The following TLN2 variants were observed in gnomAD, a reference collection of about 807,000 sequenced individuals.
The protein encoded by TLN2 is talin-2.
A neutral mutation model predicts 294.7 loss-of-function variants in TLN2; 118 were observed. That is an observed-to-expected ratio of 0.40 (90% CI 0.34 to 0.47). The LOEUF (loss-of-function observed/expected upper bound fraction) is 0.47, where lower values mean the gene tolerates loss of function less well. Among genes scored for constraint, TLN2 ranks in the 20% least tolerant of loss-of-function variants. The pLI is 0.84. For missense variants in TLN2, 3,083 were observed against 3,282.2 expected, an observed-to-expected ratio of 0.94 and a Z score of 1.48; for synonymous variants, 1,431 against 1,304.5, an observed-to-expected ratio of 1.10 and a Z score of -2.09.
intron 40 of TLN2, among the ~76,000 whole-genome samples, chr15:62,765,355 T>A (rs1014920490): frequency 6.6e-6 from 1 of 152,110 alleles, no homozygotes; most frequent in African/African-American, 2.4e-5. Context: ...TTTTCAAGTT[T>A]GCATGTTAGT....
At chr15:62,529,094 C>CT (rs752639389) in intron 1 of TLN2, among the ~76,000 whole-genome samples, 55 of 138,798 alleles carry the variant, frequency 4.0e-4, no homozygotes, top group East Asian at 6.0e-4. Context: ...ATTTACAGGG[C>CT]TTTTTTTTTT....
At chr15:62,489,223 C>T in intron 1 of TLN2, among the ~76,000 whole-genome samples, 1 of 152,116 alleles carries the variant, frequency 6.6e-6, no homozygotes, top group Non-Finnish European at 1.5e-5. Context: ...TGAAGGTATA[C>T]ACAGGGGTCC....
At chr15:62,573,935 AGCCGCCTG>A (rs1287542093) in intron 1 of TLN2, among the ~76,000 whole-genome samples, 1 of 152,142 alleles carries the variant, frequency 6.6e-6, no homozygotes, top group African/African-American at 2.4e-5. Context: ...TTGGGAGCTC[AGCCGCCTG>A]ACTCCCTGCA....
chr15:62,724,700 T>C (rs1263891705), intron 26 of TLN2, among the ~76,000 whole-genome samples: 3 of 152,194 alleles, frequency 2.0e-5, no homozygotes, highest in Non-Finnish European at 4.4e-5. Flanking sequence ...CCACTGAGTC[T>C]AAGAGGCAAG....
intron 3 of TLN2, among the ~76,000 whole-genome samples, chr15:62,627,604 T>A (rs2049395677): frequency 6.6e-6 from 1 of 152,226 alleles, no homozygotes. Flanking sequence ...TGAGACACAT[T>A]ATTTTAAAAG....
intron 1 of TLN2, among the ~76,000 whole-genome samples, chr15:62,505,425 C>T (rs369491745): frequency 1.8e-4 from 27 of 152,148 alleles, no homozygotes; most frequent in African/African-American, 5.8e-4. Context: ...TTAAAATGTG[C>T]TAGGAAATCC....
chr15:62,491,531 G>T (rs140668809), intron 1 of TLN2, among the ~76,000 whole-genome samples: 1 of 152,072 alleles, frequency 6.6e-6, no homozygotes, highest in Non-Finnish European at 1.5e-5. Flanking sequence ...TCCAAAGTGG[G>T]CAATCAGATA....
At chr15:62,821,565 A>G (rs931732324) in intron 54 of TLN2, among the ~76,000 whole-genome samples, 54 of 152,264 alleles carry the variant, frequency 3.5e-4, no homozygotes, top group African/African-American at 1.2e-3. Flanking sequence ...AGTGTATGAA[A>G]TAAACACAGA....
intron 1 of TLN2, among the ~76,000 whole-genome samples, chr15:62,505,981 A>G (rs370743391): frequency 5.3e-5 from 8 of 152,110 alleles, no homozygotes; most frequent in South Asian, 2.1e-4. Flanking sequence ...CCTTTATTCT[A>G]TTTATGGAAC....
intron 1 of TLN2, among the ~76,000 whole-genome samples, chr15:62,417,263 C>T (rs1005070859): frequency 1.3e-5 from 2 of 152,270 alleles, no homozygotes; most frequent in South Asian, 2.1e-4. Context: ...CCCTCTCCAG[C>T]GTGCTTCCTT....
chr15:62,577,914 A>G (rs942768753), intron 1 of TLN2, among the ~76,000 whole-genome samples: 5 of 151,646 alleles, frequency 3.3e-5, no homozygotes, highest in African/African-American at 1.2e-4. Flanking sequence ...TCATTGTTCA[A>G]CTCCCACCTA....
At chr15:62,682,510 C>T (rs555801302) in intron 11 of TLN2, among the ~76,000 whole-genome samples, 2 of 152,116 alleles carry the variant, frequency 1.3e-5, no homozygotes, top group Admixed American at 6.5e-5. Context: ...GTTTGGATCC[C>T]GGCTTTGCCA....
chr15:62,409,043 T>C (rs370463589), intron 1 of TLN2, among the ~76,000 whole-genome samples: 28 of 152,146 alleles, frequency 1.8e-4, no homozygotes, highest in African/African-American at 6.3e-4. Flanking sequence ...AGTGGTGTGA[T>C]CTCTGCTCAC....
chr15:62,562,868 C>T (rs1024415527), intron 1 of TLN2, among the ~76,000 whole-genome samples: 31 of 147,822 alleles, frequency 2.1e-4, no homozygotes, highest in Admixed American at 2.7e-4. Flanking sequence ...CTGCAAATGC[C>T]ATTCATTCAT....
chr15:62,719,304 G>A (rs1595777044), intron 24 of TLN2, among the ~76,000 whole-genome samples: 1 of 152,264 alleles, frequency 6.6e-6, no homozygotes, highest in Non-Finnish European at 1.5e-5. Context: ...CAACACAAAG[G>A]CGCAGAATGT....
chr15:62,426,408 CA>C lies in TLN2; in HGVS notation c.-238+35724del, dbSNP rs951597578. Among the ~76,000 whole-genome samples the C allele has an allele frequency of 2.0e-5, 3 of 152,222 alleles. No homozygotes were observed. The East Asian group carries it at 5.8e-4, about 29-fold the overall frequency. On this transcript the variant is annotated intron_variant, in intron 1 of 58. Coordinates refer to ENST00000636159, the MANE Select transcript of TLN2 (RefSeq NM_015059.3). ...GGGGCTGCGCCTCTAGTCTAGGAGC[CA>C]GGTCTGTACCTCAGTGCCTTGGTTC... is the stretch of plus-strand genomic sequence containing the variant.
At chr15:62,831,043 A>T (rs1394647464) in intron 54 of TLN2, 1 of 7,606 alleles carries the variant, frequency 1.3e-4, no homozygotes, top group African/African-American at 1.4e-4. Flanking sequence ...GCTTGTGTTT[A>T]AAAAAAAAAA....
chr15:62,720,343 G>A (rs1027315376), intron 25 of TLN2, among the ~76,000 whole-genome samples: 2 of 152,148 alleles, frequency 1.3e-5, no homozygotes, highest in Non-Finnish European at 2.9e-5. Flanking sequence ...GTGGGGTGAA[G>A]GGTAGATTCA....
At chr15:62,759,312 A>G (rs1437602204) in intron 37 of TLN2, among the ~76,000 whole-genome samples, 1 of 152,206 alleles carries the variant, frequency 6.6e-6, no homozygotes, top group Non-Finnish European at 1.5e-5. Flanking sequence ...CTTTTTGAGA[A>G]TGGAAAATGA....
Sources: gnomAD v4.1 joint callset for allele counts (sites outside exome capture counted in the v4.1 genomes callset) on GRCh38, gnomAD v4.1.1 for gene constraint, MANE v1.5 for transcripts, NCBI Gene and HGNC (gene_info 2026-07-23, HGNC 2026-07-21) for gene names.